KPNA4: variants seen among roughly 807,000 people sequenced by gnomAD.
KPNA4 encodes karyopherin subunit alpha 4, also known as importin subunit alpha-3.
Under a neutral mutation model 71.3 loss-of-function variants are expected in KPNA4, and 13 were observed. That is an observed-to-expected ratio of 0.18 (90% CI 0.12 to 0.29). The LOEUF is 0.29. KPNA4 is among the 10% of genes least tolerant of loss of function. KPNA4 has a pLI of 1.00. For missense variants in KPNA4, 334 were observed against 603.2 expected, an observed-to-expected ratio of 0.55 and a Z score of 4.67; for synonymous variants, 189 against 195.2, an observed-to-expected ratio of 0.97 and a Z score of 0.26.
intron 11 of KPNA4, among the ~76,000 whole-genome samples, chr3:160,516,867 A>C (rs1721237442): frequency 6.6e-6 from 1 of 152,052 alleles, no homozygotes; most frequent in South Asian, 2.1e-4. Flanking sequence ...ATTATCAATT[A>C]TTTTTCTGTG....
At chr3:160,550,466 T>C (rs888956718) in intron 1 of KPNA4, among the ~76,000 whole-genome samples, 7 of 152,208 alleles carry the variant, frequency 4.6e-5, no homozygotes, top group Admixed American at 4.6e-4. Flanking sequence ...GGTCTTGCTA[T>C]ATTGCCTAGG....
At chr3:160,514,389 C>T (rs1721160121) in intron 12 of KPNA4, among the ~76,000 whole-genome samples, 1 of 152,190 alleles carries the variant, frequency 6.6e-6, no homozygotes, top group Non-Finnish European at 1.5e-5. Context: ...TCACAATGAA[C>T]TAACCCTTCG....
chr3:160,554,611 GAC>G (rs1337044988), intron 1 of KPNA4, among the ~76,000 whole-genome samples: 1 of 152,204 alleles, frequency 6.6e-6, no homozygotes, highest in Non-Finnish European at 1.5e-5. Context: ...TCACTGGAAA[GAC>G]CAAGACATGA....
chr3:160,558,570 C>T (rs956764934), intron 1 of KPNA4, among the ~76,000 whole-genome samples: 2 of 152,102 alleles, frequency 1.3e-5, no homozygotes, highest in African/African-American at 4.8e-5. Context: ...CTTTTAACCC[C>T]TATACTATAA....
intron 11 of KPNA4, among the ~76,000 whole-genome samples, chr3:160,516,132 G>A (rs572525670): frequency 5.3e-5 from 8 of 151,998 alleles, no homozygotes; most frequent in Non-Finnish European, 7.4e-5. Flanking sequence ...GATTACAGGC[G>A]CGTGCCACCA....
chr3:160,565,355 T>C lies in KPNA4; in HGVS notation c.-73A>G. On this transcript the variant is annotated 5_prime_UTR_variant, in exon 1 of 17. Coordinates refer to ENST00000334256, the MANE Select transcript of KPNA4 (RefSeq NM_002268.5). ...CCCAACCAACGCGCCGCACCGACACTCCCAGGAACCGGGCCGCCGCCTGAG... is the reference window on the plus strand; with the variant it reads ...CCCAACCAACGCGCCGCACCGACACCCCCAGGAACCGGGCCGCCGCCTGAG... 1 of 1,290,892 alleles carries C rather than the reference T, an allele frequency of 7.7e-7. No homozygotes were observed. The highest frequency in any genetic ancestry group is 1.1e-6 in the Non-Finnish European group (1 of 916,808). The allele number at this position is 1,290,892 out of a possible 1,614,324, so 80.0% of individuals were successfully genotyped here.
chr3:160,522,530 T>A (rs964296338), intron 10 of KPNA4, among the ~76,000 whole-genome samples: 4 of 152,136 alleles, frequency 2.6e-5, no homozygotes, highest in Non-Finnish European at 4.4e-5. Context: ...CGATCTCGGT[T>A]CACTGCAAGC....
rs1388968228 is a variant in KPNA4 at position 160,541,225 on chromosome 3, T to C, written c.70-4385A>G. Among the ~76,000 whole-genome samples the C allele has an allele frequency of 5.3e-5, 8 of 152,228 alleles. No homozygotes were observed. In the South Asian group the frequency reaches 8.3e-4, roughly 16 times the overall value. On this transcript the variant is annotated intron_variant, in intron 1 of 16. Coordinates refer to ENST00000334256, the MANE Select transcript of KPNA4 (RefSeq NM_002268.5). ...TTTTCTTTAAAGCCCTAAAAATTGT[T>C]AGTTTAAAATATGACATAGTAATTA...
At chr3:160,558,179 G>A (rs1370172283) in intron 1 of KPNA4, among the ~76,000 whole-genome samples, 1 of 152,184 alleles carries the variant, frequency 6.6e-6, no homozygotes, top group Admixed American at 6.5e-5. Flanking sequence ...TTAAAGAAAT[G>A]AAGTCATAAA....
chr3:160,531,571 A>G lies in KPNA4; in HGVS notation c.288-14T>C, dbSNP rs912434409. Reference sequence around the variant, plus strand: ...GACAAAAGCTTCCTGTAAGAGATAAAAACACTCCTGTGAAACTTAATAACA... The same window carrying G: ...GACAAAAGCTTCCTGTAAGAGATAAGAACACTCCTGTGAAACTTAATAACA... On this transcript the variant is annotated splice_polypyrimidine_tract_variant and intron_variant, in intron 5 of 16. Coordinates refer to ENST00000334256, the MANE Select transcript of KPNA4 (RefSeq NM_002268.5). 12 of 1,384,614 alleles carry G rather than the reference A, an allele frequency of 8.7e-6. No individual in the cohort carries two copies. Among genetic ancestry groups the G allele is most frequent in the Middle Eastern group, 1.8e-4 (1 of 5,428 alleles). 85.8% of individuals were successfully genotyped at this position (1,384,614 alleles called of 1,614,324 possible).
intron 1 of KPNA4, among the ~76,000 whole-genome samples, chr3:160,540,624 G>A (rs147545824): frequency 5.9e-5 from 9 of 152,298 alleles, no homozygotes; most frequent in Admixed American, 2.0e-4. Flanking sequence ...CCATGAAAGG[G>A]ATATATAAGA....
chr3:160,509,173 C>A (rs1197819372), intron 14 of KPNA4, among the ~76,000 whole-genome samples: 21 of 152,206 alleles, frequency 1.4e-4, no homozygotes, highest in Admixed American at 1.4e-3. Context: ...ACCCGCACGA[C>A]CTGAGAGTGG....
chr3:160,535,582 A>G lies in KPNA4; in HGVS notation c.235-17T>C. ...TGAAGCATTCTATAAAAAATAAAAT[A>G]ATTTATGATGTAAATATATCACGAT... On this transcript the variant is annotated splice_polypyrimidine_tract_variant and intron_variant, in intron 4 of 16. Transcript: ENST00000334256. 2 of 1,587,602 alleles carry G rather than the reference A, an allele frequency of 1.3e-6. No individual in the cohort carries two copies. Among genetic ancestry groups the G allele is most frequent in the South Asian group, 2.3e-5 (2 of 86,486 alleles).
intron 1 of KPNA4, among the ~76,000 whole-genome samples, chr3:160,558,093 A>G (rs747460370): frequency 6.6e-6 from 1 of 152,206 alleles, no homozygotes; most frequent in Non-Finnish European, 1.5e-5. Context: ...TTGTTTTCTG[A>G]TTATATTTAC....
chr3:160,552,581 C>T (rs1722062316), intron 1 of KPNA4, among the ~76,000 whole-genome samples: 1 of 151,998 alleles, frequency 6.6e-6, no homozygotes, highest in African/African-American at 2.4e-5. Flanking sequence ...AGTAAACACA[C>T]AAATATATCA....
chr3:160,522,649 G>A (rs1156262860), intron 10 of KPNA4, among the ~76,000 whole-genome samples: 1 of 152,084 alleles, frequency 6.6e-6, no homozygotes, highest in South Asian at 2.1e-4. Flanking sequence ...CAGTAGAGAC[G>A]GGGTTTCACC....
rs1201686529 is a variant in KPNA4 at position 160,514,133 on chromosome 3, C to T, written c.1081G>A (p.Val361Ile). 6.2e-7 allele frequency: 1 copy of T among 1,601,348 alleles called. No individual in the cohort carries two copies. The highest frequency in any genetic ancestry group is 8.5e-7 in the Non-Finnish European group (1 of 1,175,968). Residue 361 changes from valine (V) to isoleucine (I), a missense_variant, in exon 13 of 17, where the codon GTA (valine) becomes ATA (isoleucine). By Grantham distance (29) the Val-to-Ile change is conservative. Coordinates refer to ENST00000334256, the MANE Select transcript of KPNA4 (RefSeq NM_002268.5). The part of the protein sequence containing the change: ...SNITAGNQQQ[V>I]QAVIDANLVP... ...AGATTGGCATCAATTACTGCCTGTA[C>T]CTGCTGCTGATTTCCTGCAGTGATG...
chr3:160,528,158 T>C (rs1318356653), intron 7 of KPNA4, 119 bp from the exon 8 acceptor site: 2 of 611,064 alleles, frequency 3.3e-6, no homozygotes, highest in Admixed American at 6.0e-5. Context: ...ACTTAAAATA[T>C]AACCTCATTA....
chr3:160,541,627 G>C (rs948332405), intron 1 of KPNA4, among the ~76,000 whole-genome samples: 1 of 146,184 alleles, frequency 6.8e-6, no homozygotes, highest in Non-Finnish European at 1.5e-5. Context: ...GTAATAAAGC[G>C]GTTTTTAAAA....
Sources: allele counts gnomAD v4.1 joint callset (sites outside exome capture counted in the v4.1 genomes callset), GRCh38; gene constraint gnomAD v4.1.1; transcripts MANE v1.5; gene names NCBI Gene and HGNC (gene_info 2026-07-23, HGNC 2026-07-21).